RP1L1: variants seen among roughly 807,000 people sequenced by gnomAD.
The protein encoded by RP1L1 is retinitis pigmentosa 1-like 1 protein.
Under a neutral mutation model 15.7 loss-of-function variants are expected in RP1L1, and 27 were observed. That is an observed-to-expected ratio of 1.72 (90% confidence interval 1.27 to 2.38). RP1L1 has a LOEUF of 2.38. Ranked by LOEUF, RP1L1 falls within the 30% of genes most tolerant of loss-of-function variation. The pLI is 0.00. For missense variants in RP1L1, 4,798 were observed against 3,075.9 expected (o/e 1.56, Z -13.24); for synonymous variants, 1,813 against 1,276.7 (o/e 1.42, Z -8.96).
At chr8:10,629,302 C>T (rs1009607082) in intron 1 of RP1L1, among the ~76,000 whole-genome samples, 4 of 150,124 alleles carry the variant, frequency 2.7e-5, no homozygotes, top group Admixed American at 2.7e-4. Context: ...TGCCTGGGGG[C>T]TACCCATGGC....
At position 10,612,707 on chromosome 8, in the gene RP1L1, C is replaced by T. The variant is rs778063220; in HGVS notation, c.1391G>A (p.Gly464Asp). 11 of 1,604,516 alleles carry T rather than the reference C, an allele frequency of 6.9e-6. No homozygotes were observed. The Admixed American group carries it at 1.5e-4, about 22-fold the overall frequency. ...SPASSTGLPEGSEPESSCCPR... is the reference protein window; with the variant it reads ...SPASSTGLPEDSEPESSCCPR... ...GCAGCAGGAGGACTCTGGCTCCGAGCCCTCGGGGAGGCCGGTGCTGGAGGC... is the reference window on the plus strand; with the variant it reads ...GCAGCAGGAGGACTCTGGCTCCGAGTCCTCGGGGAGGCCGGTGCTGGAGGC... The change falls in exon 4 of 4, where the codon GGC (glycine) becomes GAC (aspartate). Residue 464 changes from glycine (G) to aspartate (D), a missense_variant. Coordinates refer to ENST00000382483, the MANE Select transcript of RP1L1 (RefSeq NM_178857.6).
At chr8:10,631,660 G>A (rs559733624) in intron 1 of RP1L1, among the ~76,000 whole-genome samples, 24 of 152,300 alleles carry the variant, frequency 1.6e-4, no homozygotes, top group East Asian at 5.8e-4. Context: ...CTCCACTTCC[G>A]AGACGACCAC....
intron 2 of RP1L1, among the ~76,000 whole-genome samples, chr8:10,620,446 A>C (rs1798040243): frequency 6.6e-6 from 1 of 152,148 alleles, no homozygotes; most frequent in Non-Finnish European, 1.5e-5. Flanking sequence ...TCTCTACTAA[A>C]AATACAAAAA....
In RP1L1 at chr8:10,611,654, T is replaced by C. The variant is rs1437057793; in HGVS notation, c.2444A>G (p.Gln815Arg). ...GCTTCGGTGGGGGCCCACCGCCCCT[T>C]GCTCAGGCCGTCCAACCTGCAGAAC... ...PLVLQVGRPE[Q>R]GAVGPHRSHC... The change falls in exon 4 of 4, where the codon CAA becomes CGA. Residue 815 changes from glutamine to arginine, a missense_variant. Gln to Arg is a conservative substitution (Grantham distance 43, BLOSUM62 1). Coordinates refer to ENST00000382483, the MANE Select transcript of RP1L1 (RefSeq NM_178857.6). The C allele has an allele frequency of 6.2e-7, 1 of 1,613,084 alleles. No homozygotes were observed. Among genetic ancestry groups the C allele is most frequent in the Non-Finnish European group, 8.5e-7 (1 of 1,179,936 alleles).
At chr8:10,621,736 C>G (rs904466642) in intron 2 of RP1L1, 6 of 508,476 alleles carry the variant, frequency 1.2e-5, no homozygotes, top group African/African-American at 1.2e-4. Context: ...ATCCTCCATT[C>G]TGCCGACCTT....
intron 2 of RP1L1, chr8:10,621,073 T>G (rs1322956683): frequency 6.6e-6 from 1 of 152,250 alleles, no homozygotes; most frequent in Non-Finnish European, 1.5e-5. Flanking sequence ...TTAATCAATT[T>G]CCCTTTTCTT....
chr8:10,644,534 A>G (rs1360295511), intron 1 of RP1L1, among the ~76,000 whole-genome samples: 1 of 152,216 alleles, frequency 6.6e-6, no homozygotes, highest in Non-Finnish European at 1.5e-5. Flanking sequence ...TCACAAGGTG[A>G]CGCTGGACAG....
At position 10,623,046 on chromosome 8, in the gene RP1L1, G is replaced by T; in HGVS notation, c.156C>A (p.Ala52=). 2.5e-6 allele frequency: 4 copies of T among 1,614,142 alleles called. No individual in the cohort carries two copies. The highest frequency in any genetic ancestry group is 3.4e-6 in the Non-Finnish European group (4 of 1,180,030). ...AGGTCTTAAAGGCGCGCTGGTGAAC[G>T]GCCAGGCGGACCCCAGCAAACCGTG... ...GDPRFAGVRL[A]VHQRAFKTFS... Residue 52 remains alanine, a synonymous_variant, in exon 2 of 4, where the codon GCC becomes GCA. Coordinates refer to ENST00000382483, the MANE Select transcript of RP1L1 (RefSeq NM_178857.6).
intron 1 of RP1L1, among the ~76,000 whole-genome samples, chr8:10,638,995 A>T (rs995441919): frequency 3.9e-5 from 6 of 152,112 alleles, no homozygotes; most frequent in Non-Finnish European, 2.9e-5. Flanking sequence ...AAAATAAAAA[A>T]TTAGCTGGGC....
intron 1 of RP1L1, among the ~76,000 whole-genome samples, chr8:10,645,363 T>C (rs904713974): frequency 1.3e-5 from 2 of 152,058 alleles, no homozygotes; most frequent in African/African-American, 2.4e-5. Flanking sequence ...ATATCTATAA[T>C]GCTTCAAATT....
At chr8:10,633,335 G>A (rs772151169) in intron 1 of RP1L1, among the ~76,000 whole-genome samples, 9 of 152,100 alleles carry the variant, frequency 5.9e-5, no homozygotes, top group Non-Finnish European at 8.8e-5. Flanking sequence ...GAAATCAGAG[G>A]GCAAGAAGCC....
rs1321346843 is a variant in RP1L1 at position 10,609,285 on chromosome 8, G to A, written c.4813C>T (p.Gln1605Ter). 6.2e-6 allele frequency: 10 copies of A among 1,610,260 alleles called. No individual in the cohort carries two copies. Among genetic ancestry groups the A allele is most frequent in the Non-Finnish European group, 8.5e-6 (10 of 1,179,698 alleles). Reference sequence around the variant, plus strand: ...AGGCCCCGGAGACGGTGTCTGCGCTGCTGGGTCTGCAGGAGCAGCTCCCCG... The same window carrying A: ...AGGCCCCGGAGACGGTGTCTGCGCTACTGGGTCTGCAGGAGCAGCTCCCCG... ...LTGELLLQTQ[Q>*]RRHRLRGLRN... is the part of the protein sequence containing the mutation. The change falls in exon 4 of 4, where the codon CAG (glutamine) becomes TAG (stop). Residue 1605 changes from glutamine to a stop codon, truncating the protein, a stop_gained. Transcript: ENST00000382483. LOFTEE classifies it low-confidence loss of function (END_TRUNC).
At chr8:10,620,362 T>C (rs1798038738) in intron 2 of RP1L1, among the ~76,000 whole-genome samples, 1 of 151,978 alleles carries the variant, frequency 6.6e-6, no homozygotes, top group African/African-American at 2.4e-5. Flanking sequence ...TCTCAGCACT[T>C]TGGGAGGCCG....
intron 1 of RP1L1, among the ~76,000 whole-genome samples, chr8:10,625,677 G>A (rs1798145293): frequency 6.6e-6 from 1 of 152,198 alleles, no homozygotes; most frequent in Non-Finnish European, 1.5e-5. Context: ...ATGCATTGGA[G>A]GAGGCTCCAA....
intron 1 of RP1L1, among the ~76,000 whole-genome samples, chr8:10,638,971 C>A (rs1476237344): frequency 1.3e-5 from 2 of 151,944 alleles, no homozygotes; most frequent in Non-Finnish European, 2.9e-5. Flanking sequence ...ACAGTGAAAC[C>A]CAGGCTCTAC....
chr8:10,629,572 T>C (rs779701722), intron 1 of RP1L1, among the ~76,000 whole-genome samples: 7 of 152,198 alleles, frequency 4.6e-5, no homozygotes, highest in Non-Finnish European at 7.4e-5. Flanking sequence ...CAAGGCAGCT[T>C]GGGCTACTGT....
chr8:10,610,000 CCCTTCTCCTCCT>C lies in RP1L1; in HGVS notation c.4086_4097del (p.Gly1363_Gly1366del). ...CTAACTGCACCCCCTCTTCTTGCAG[CCCTTCTCCTCCT>C]GTTTCTTCAATTTCCTCTAACTGCG... is the stretch of plus-strand genomic sequence containing the variant. On this transcript the variant is annotated inframe_deletion, in exon 4 of 4. Transcript: ENST00000382483. The C allele has an allele frequency of 6.3e-7, 1 of 1,588,946 alleles. No homozygotes were observed. The highest frequency in any genetic ancestry group is 8.6e-7 in the Non-Finnish European group (1 of 1,166,404).
chr8:10,640,260 A>G (rs1262831290), intron 1 of RP1L1, among the ~76,000 whole-genome samples: 26 of 152,248 alleles, frequency 1.7e-4, no homozygotes, highest in Admixed American at 1.7e-3. Flanking sequence ...ACTTAGTTGG[A>G]GAATGAACCA....
chr8:10,607,685 T>A lies in RP1L1; in HGVS notation c.6413A>T (p.Glu2138Val), dbSNP rs1797732926. The change falls in exon 4 of 4, where the codon GAA becomes GTA. Residue 2138 changes from glutamate to valine, a missense_variant. Coordinates refer to ENST00000382483, the MANE Select transcript of RP1L1 (RefSeq NM_178857.6). ...TTCTGACTCAGGCTGGGCCTCCCCT[T>A]CAGCCTCTGGGGCCTCTATACCTTC... ...ESEGIEAPEA[E>V]GEAQPESEGV... 1 of 1,591,994 alleles carries A rather than the reference T, an allele frequency of 6.3e-7. No individual in the cohort carries two copies. The highest frequency in any genetic ancestry group is 1.4e-5 in the African/African-American group (1 of 72,958).
Sources: gnomAD v4.1 joint callset for allele counts (sites outside exome capture counted in the v4.1 genomes callset) on GRCh38, gnomAD v4.1.1 for gene constraint, MANE v1.5 for transcripts, NCBI Gene and HGNC (gene_info 2026-07-23, HGNC 2026-07-21) for gene names.